Variants in CALN1 observed in about 807,000 individuals in gnomAD.
CALN1 encodes calcium-binding protein 8.
In CALN1, 17 loss-of-function variants were observed where a neutral mutation model predicts 30.6. The observed-to-expected ratio is 0.56, with a 90% CI of 0.38 to 0.83. CALN1 has a LOEUF of 0.83. Among genes scored for constraint, CALN1 ranks in the 40% least tolerant of loss-of-function variants. The probability of loss-of-function intolerance (pLI) is 0.00; values close to 1 mark genes in which losing one functional copy is unlikely to be tolerated. For missense variants in CALN1, 291 were observed against 354.9 expected (o/e 0.82, Z 1.45); for synonymous variants, 156 against 131.4 (o/e 1.19, Z -1.28).
chr7:71,845,994 C>T (rs773349511), intron 5 of CALN1, among the ~76,000 whole-genome samples: 2 of 151,976 alleles, frequency 1.3e-5, no homozygotes, highest in South Asian at 2.1e-4. Flanking sequence ...CGGAGGTTGC[C>T]GTGAGCTGAG....
intron 2 of CALN1, among the ~76,000 whole-genome samples, chr7:72,283,397 T>C (rs369715523): frequency 2.0e-5 from 3 of 152,232 alleles, no homozygotes; most frequent in East Asian, 3.9e-4. Flanking sequence ...TAGCTGGGCA[T>C]GGTGGCACAC....
In CALN1 at chr7:72,140,340, A is replaced by AAGGGAGGG. The variant is rs200997090; in HGVS notation, c.245-34054_245-34047dup. ...GGAACAGAGAAAGGGAGAAGGAAGG[A>AAGGGAGGG]AGGGAGGGAGGGAGGGAGGGAGGGA... On this transcript the variant is annotated intron_variant, in intron 3 of 6. Coordinates refer to ENST00000395275, the MANE Select transcript of CALN1 (RefSeq NM_031468.4). 4.6e-3 allele frequency among the ~76,000 whole-genome samples: 302 copies of AAGGGAGGG among 65,302 alleles called. 2 individuals are homozygous for AAGGGAGGG. Among genetic ancestry groups the AAGGGAGGG allele is most frequent in the Non-Finnish European group, 5.2e-3 (153 of 29,446 alleles). The allele number at this position is 65,302 out of a possible 152,430, so 42.8% of individuals were successfully genotyped here.
chr7:71,817,139 T>C (rs915264964), intron 5 of CALN1, among the ~76,000 whole-genome samples: 1 of 152,240 alleles, frequency 6.6e-6, no homozygotes, highest in East Asian at 1.9e-4. Flanking sequence ...AAACAATGTG[T>C]ACCCCATGCC....
intron 2 of CALN1, among the ~76,000 whole-genome samples, chr7:72,354,186 C>A (rs1425763906): frequency 6.6e-6 from 1 of 152,174 alleles, no homozygotes; most frequent in South Asian, 2.1e-4. Context: ...GACTCCATCT[C>A]AAGAAAAAGT....
intron 3 of CALN1, among the ~76,000 whole-genome samples, chr7:72,210,882 C>T (rs1385545766): frequency 1.3e-5 from 2 of 151,326 alleles, no homozygotes; most frequent in Non-Finnish European, 2.9e-5. Flanking sequence ...GAGCCCCGGT[C>T]TCCAGAAAAA....
chr7:72,019,234 G>C (rs1433618754), intron 5 of CALN1, among the ~76,000 whole-genome samples: 2 of 152,102 alleles, frequency 1.3e-5, no homozygotes, highest in Non-Finnish European at 2.9e-5. Context: ...CTTGGTTATA[G>C]GTTTCCTCTA....
chr7:72,330,049 GGGAGGCTGAGGCAGGC>G (rs1165636829), intron 2 of CALN1, among the ~76,000 whole-genome samples: 3 of 151,982 alleles, frequency 2.0e-5, no homozygotes, highest in African/African-American at 7.3e-5. Context: ...CCAGCACTTT[GGGAGGCTGAGGCAGGC>G]GGATCACCTG....
intron 3 of CALN1, among the ~76,000 whole-genome samples, chr7:72,199,847 C>A (rs1333393416): frequency 6.6e-6 from 1 of 152,026 alleles, no homozygotes; most frequent in Non-Finnish European, 1.5e-5. Context: ...AAAACAACAA[C>A]AACAAAATCC....
intron 2 of CALN1, among the ~76,000 whole-genome samples, chr7:72,345,717 C>T (rs537597887): frequency 3.3e-5 from 5 of 152,256 alleles, no homozygotes; most frequent in Admixed American, 3.3e-4. Context: ...TTTTGAAATA[C>T]TACATGCATT....
chr7:71,793,385 TGA>T (rs966780459), intron 6 of CALN1, among the ~76,000 whole-genome samples: 7 of 152,214 alleles, frequency 4.6e-5, no homozygotes, highest in African/African-American at 1.7e-4. Context: ...GACCTTAGTC[TGA>T]GTCAGTACCC....
At chr7:72,384,140 A>G (rs1291262268) in intron 2 of CALN1, among the ~76,000 whole-genome samples, 3 of 152,210 alleles carry the variant, frequency 2.0e-5, no homozygotes, top group African/African-American at 7.2e-5. Flanking sequence ...TGCTTTCTCC[A>G]TTACTGGCAG....
At chr7:71,919,787 G>A (rs1794845227) in intron 5 of CALN1, among the ~76,000 whole-genome samples, 1 of 152,198 alleles carries the variant, frequency 6.6e-6, no homozygotes, top group Non-Finnish European at 1.5e-5. Context: ...CTACAATGAT[G>A]CTACAAGAAT....
At chr7:72,178,177 A>C (rs1392564978) in intron 3 of CALN1, among the ~76,000 whole-genome samples, 1 of 152,206 alleles carries the variant, frequency 6.6e-6, no homozygotes, top group African/African-American at 2.4e-5. Flanking sequence ...TAAAGGAATA[A>C]AACTCTGAAC....
At chr7:71,913,206 C>G (rs547154010) in intron 5 of CALN1, among the ~76,000 whole-genome samples, 2 of 152,314 alleles carry the variant, frequency 1.3e-5, no homozygotes, top group South Asian at 2.1e-4. Flanking sequence ...AAACGAGGAG[C>G]TGGCCAGGCC....
At chr7:72,477,329 C>G in the CALN1 span, among the ~76,000 whole-genome samples, 1 of 152,122 alleles carries the variant, frequency 6.6e-6, no homozygotes. Context: ...AGGTGAGGGA[C>G]AGAGAGAAGG....
At chr7:72,029,247 C>T (rs1394353965) in intron 4 of CALN1, among the ~76,000 whole-genome samples, 1 of 151,996 alleles carries the variant, frequency 6.6e-6, no homozygotes. Flanking sequence ...CTGCCTCAGC[C>T]TCCTGAGTAG....
chr7:72,060,528 T>C (rs1803573575), intron 4 of CALN1, among the ~76,000 whole-genome samples: 2 of 152,186 alleles, frequency 1.3e-5, no homozygotes, highest in Admixed American at 1.3e-4. Flanking sequence ...TTCATGCCTG[T>C]CTAACCCTAA....
the CALN1 span, among the ~76,000 whole-genome samples, chr7:72,484,370 T>C: frequency 1.3e-5 from 2 of 152,070 alleles, no homozygotes; most frequent in Non-Finnish European, 2.9e-5. Context: ...TAATCTAGAG[T>C]TAATTATTCT....
At chr7:72,430,882 T>C (rs1260579051) in intron 1 of CALN1, among the ~76,000 whole-genome samples, 1 of 152,048 alleles carries the variant, frequency 6.6e-6, no homozygotes, top group Non-Finnish European at 1.5e-5. Flanking sequence ...TCCAAGTTTT[T>C]GTCAAGGAGA....
Sources: gnomAD v4.1 joint callset for allele counts (sites outside exome capture counted in the v4.1 genomes callset) on GRCh38, gnomAD v4.1.1 for gene constraint, MANE v1.5 for transcripts, NCBI Gene and HGNC (gene_info 2026-07-23, HGNC 2026-07-21) for gene names.